PKIB: variants seen among roughly 807,000 people sequenced by gnomAD.
PKIB encodes the protein cAMP-dependent protein kinase inhibitor beta.
PKIB carries 2 observed loss-of-function variants against 4.5 expected under a neutral mutation model. The ratio of observed to expected loss-of-function variants is 0.44; its 90% CI spans 0.18 to 1.39. The LOEUF is 1.39. Among genes scored for constraint, PKIB ranks in the 40% most tolerant of loss-of-function variants. The pLI, the probability that PKIB is intolerant of heterozygous loss-of-function variation, is 0.27. For synonymous variants in PKIB, 38 were observed against 36.0 expected, an observed-to-expected ratio of 1.06 and a Z score of -0.20; for missense variants, 94 against 92.6, an observed-to-expected ratio of 1.02 and a Z score of -0.06.
rs996641647 is a variant in PKIB at position 122,545,227 on chromosome 6, G to A, written c.-247-40694G>A. The stretch of plus-strand genomic sequence containing the variant: ...GTACTATTCACAATAGCAAAGATAC[G>A]GAATCAACCTAGATGCCCATCAGTC... On this transcript the variant is annotated intron_variant, in intron 2 of 6. Coordinates refer to the PKIB transcript ENST00000392491. Among the ~76,000 whole-genome samples the A allele has an allele frequency of 4.6e-5, 7 of 151,884 alleles. 1 individual carries two copies. The highest frequency in any genetic ancestry group is 1.5e-4 in the African/African-American group (6 of 41,252).
intron 2 of PKIB, among the ~76,000 whole-genome samples, chr6:122,537,385 C>T (rs1363725128): frequency 6.6e-6 from 1 of 151,912 alleles, no homozygotes; most frequent in Non-Finnish European, 1.5e-5. Flanking sequence ...TTTCCTTGTT[C>T]AATTCCCACC....
intron 3 of PKIB, among the ~76,000 whole-genome samples, chr6:122,679,653 G>A (rs945341981): frequency 6.6e-6 from 1 of 152,186 alleles, no homozygotes; most frequent in African/African-American, 2.4e-5. Context: ...GGTTTCTGGG[G>A]TGGATGTACA....
intron 2 of PKIB, among the ~76,000 whole-genome samples, chr6:122,522,857 G>C (rs1217484144): frequency 6.6e-6 from 1 of 152,166 alleles, no homozygotes; most frequent in Admixed American, 6.5e-5. Context: ...TTCCTGTTTG[G>C]ACATCTTGCC....
chr6:122,554,059 G>A (rs1169592969), intron 2 of PKIB, among the ~76,000 whole-genome samples: 1 of 152,102 alleles, frequency 6.6e-6, no homozygotes, highest in African/African-American at 2.4e-5. Context: ...TTTATAGTTC[G>A]CAAAAGCAAT....
At chr6:122,584,813 G>T (rs989082172) in intron 2 of PKIB, among the ~76,000 whole-genome samples, 1 of 152,006 alleles carries the variant, frequency 6.6e-6, no homozygotes, top group Non-Finnish European at 1.5e-5. Context: ...GAGATAGGAC[G>T]TGGGATGCAA....
At chr6:122,524,268 CCTCCTT>C (rs1252563411) in intron 2 of PKIB, among the ~76,000 whole-genome samples, 3 of 147,952 alleles carry the variant, frequency 2.0e-5, no homozygotes, top group African/African-American at 7.5e-5. Flanking sequence ...TCTTCCTCCT[CCTCCTT>C]CTTGTTCTTC....
intron 2 of PKIB, among the ~76,000 whole-genome samples, chr6:122,551,037 C>A (rs1772660524): frequency 6.6e-6 from 1 of 152,142 alleles, no homozygotes; most frequent in African/African-American, 2.4e-5. Context: ...CTTTGCATGG[C>A]ATTCTATCTT....
At chr6:122,605,509 G>C (rs1040195670), upstream of PKIB, among the ~76,000 whole-genome samples, 17 of 152,086 alleles carry the variant, frequency 1.1e-4, no homozygotes, top group Non-Finnish European at 1.8e-4. Context: ...GGTACGGCTT[G>C]AGAAACTAGC....
At chr6:122,617,472 T>C (rs1775042477) in intron 1 of PKIB, among the ~76,000 whole-genome samples, 1 of 152,186 alleles carries the variant, frequency 6.6e-6, no homozygotes, top group Non-Finnish European at 1.5e-5. Flanking sequence ...ATATTTTGGG[T>C]TCTAGGTTTG....
chr6:122,635,656 G>A (rs1487357404), intron 2 of PKIB, among the ~76,000 whole-genome samples: 1 of 151,770 alleles, frequency 6.6e-6, no homozygotes, highest in Non-Finnish European at 1.5e-5. Flanking sequence ...ACAACACATG[G>A]TGTTTATTCT....
chr6:122,542,302 A>G lies in PKIB; in HGVS notation c.-247-43619A>G, dbSNP rs377021861. The stretch of plus-strand genomic sequence containing the variant: ...AGTTTTTCTGCTCTGTTTTTTCCCC[A>G]TCTTTGTGGTTTTATCTACTTTTGG... On this transcript the variant is annotated intron_variant, in intron 2 of 6. Coordinates refer to the PKIB transcript ENST00000392491. Among the ~76,000 whole-genome samples, 10 of 151,760 alleles carry G rather than the reference A, an allele frequency of 6.6e-5. No individual in the cohort carries two copies. The East Asian group carries it at 1.7e-3, about 27-fold the overall frequency.
intron 2 of PKIB, among the ~76,000 whole-genome samples, chr6:122,670,704 C>T (rs1777429630): frequency 6.6e-6 from 1 of 152,174 alleles, no homozygotes; most frequent in African/African-American, 2.4e-5. Flanking sequence ...CAGAGTCATT[C>T]ATTCTCCTAA....
chr6:122,602,677 G>A (rs776991850), intron 3 of PKIB, among the ~76,000 whole-genome samples: 1 of 152,134 alleles, frequency 6.6e-6, no homozygotes, highest in African/African-American at 2.4e-5. Context: ...CACTTTGAGA[G>A]GCCGAGGCAG....
chr6:122,654,947 T>C (rs911496263), intron 2 of PKIB, among the ~76,000 whole-genome samples: 4 of 152,166 alleles, frequency 2.6e-5, no homozygotes, highest in Middle Eastern at 3.2e-3. Flanking sequence ...CTCTCCTGCA[T>C]TTCAGTTAAT....
At chr6:122,673,534 A>G (rs1243567009) in intron 2 of PKIB, among the ~76,000 whole-genome samples, 1 of 152,232 alleles carries the variant, frequency 6.6e-6, no homozygotes, top group Non-Finnish European at 1.5e-5. Context: ...CATTGAAGGA[A>G]AAAGTCCCAG....
intron 2 of PKIB, among the ~76,000 whole-genome samples, chr6:122,549,667 T>A (rs191358210): frequency 3.7e-4 from 57 of 152,154 alleles, no homozygotes; most frequent in Non-Finnish European, 5.7e-4. Flanking sequence ...AAAAGTAATA[T>A]TTGCACATAG....
At position 122,573,464 on chromosome 6, in the gene PKIB, G is replaced by A. The variant is rs966973547; in HGVS notation, c.-247-12457G>A. On this transcript the variant is annotated intron_variant, in intron 2 of 6. Coordinates refer to the PKIB transcript ENST00000392491. ...TTGAGCCCATGAAGCAGAGGTTGCA[G>A]TAAGCTGAGATTGTGCCACTGTCCT... Among the ~76,000 whole-genome samples, 5 of 144,614 alleles carry A rather than the reference G, an allele frequency of 3.5e-5. No homozygotes were observed. The South Asian group carries it at 6.7e-4, about 19-fold the overall frequency. The allele number at this position is 144,614 out of a possible 152,430, so 94.9% of individuals were successfully genotyped here. A position where few individuals can be genotyped will look rare whatever the true frequency, so the allele number is the denominator to read the frequency against.
chr6:122,528,217 T>C (rs931301039), intron 2 of PKIB, among the ~76,000 whole-genome samples: 1 of 152,204 alleles, frequency 6.6e-6, no homozygotes, highest in African/African-American at 2.4e-5. Context: ...CCTGCTGTTT[T>C]TGATTGCCAT....
At chr6:122,594,017 T>C (rs1774092168) in intron 3 of PKIB, among the ~76,000 whole-genome samples, 1 of 152,144 alleles carries the variant, frequency 6.6e-6, no homozygotes, top group South Asian at 2.1e-4. Flanking sequence ...CCTGAGATCA[T>C]ACATAATCTT....
Sources: allele counts gnomAD v4.1 joint callset (sites outside exome capture counted in the v4.1 genomes callset), GRCh38; gene constraint gnomAD v4.1.1; transcripts MANE v1.5; gene names NCBI Gene and HGNC (gene_info 2026-07-23, HGNC 2026-07-21).